ENTREP2: variants seen among roughly 807,000 people sequenced by gnomAD.
ENTREP2 encodes endosomal transmembrane epsin interactor 2, also known as protein ENTREP2.
chr15:29,564,133 G>A, the ENTREP2 span, among the ~76,000 whole-genome samples: 3 of 152,126 alleles, frequency 2.0e-5, no homozygotes, highest in Non-Finnish European at 4.4e-5. Flanking sequence ...TAAAGGGATG[G>A]ACTAGGATAC....
At chr15:29,251,727 A>G in the ENTREP2 span, among the ~76,000 whole-genome samples, 20 of 141,140 alleles carry the variant, frequency 1.4e-4, no homozygotes, top group Admixed American at 1.3e-3. Flanking sequence ...TTAAAACATT[A>G]TGAGTTTTTT....
chr15:29,184,200 G>A, the ENTREP2 span, among the ~76,000 whole-genome samples: 893 of 152,276 alleles, frequency 5.9e-3, 5 homozygotes, highest in Middle Eastern at 0.037. Context: ...GGCCAGGCTC[G>A]TCTGAAACTC....
the ENTREP2 span, among the ~76,000 whole-genome samples, chr15:29,158,870 G>A: frequency 6.6e-6 from 1 of 151,664 alleles, no homozygotes; most frequent in Non-Finnish European, 1.5e-5. Flanking sequence ...AGAGAAAAAA[G>A]TTTTAGATAC....
At chr15:29,439,289 ACACACAC>A in the ENTREP2 span, among the ~76,000 whole-genome samples, 29,278 of 98,598 alleles carry the variant, frequency 0.3, 3,224 homozygotes, top group South Asian at 0.47. Context: ...GGAATTACAC[ACACACAC>A]ACACACACAC....
the ENTREP2 span, among the ~76,000 whole-genome samples, chr15:29,232,705 C>T: frequency 5.3e-5 from 8 of 151,966 alleles, no homozygotes; most frequent in African/African-American, 9.7e-5. Flanking sequence ...GACAGGGTCT[C>T]GCTATATTGA....
At chr15:29,483,379 T>C in the ENTREP2 span, among the ~76,000 whole-genome samples, 9 of 152,356 alleles carry the variant, frequency 5.9e-5, no homozygotes, top group Admixed American at 4.6e-4. Context: ...ATTGTCCCTC[T>C]GGTGTTGTAT....
the ENTREP2 span, among the ~76,000 whole-genome samples, chr15:29,495,588 A>G: frequency 6.6e-6 from 1 of 152,008 alleles, no homozygotes; most frequent in African/African-American, 2.4e-5. Flanking sequence ...TAACTCTCCA[A>G]TTTTGTTTCC....
chr15:29,210,852 G>A, the ENTREP2 span, among the ~76,000 whole-genome samples: 3 of 152,226 alleles, frequency 2.0e-5, no homozygotes, highest in South Asian at 4.1e-4. Flanking sequence ...CAAATCCCAG[G>A]TACCTTTTAA....
the ENTREP2 span, among the ~76,000 whole-genome samples, chr15:29,134,506 C>T: frequency 1.3e-5 from 2 of 152,166 alleles, no homozygotes; most frequent in African/African-American, 2.4e-5. Flanking sequence ...TGATCTGGCC[C>T]ACCACAAGCC....
chr15:29,492,077 T>TC, the ENTREP2 span, among the ~76,000 whole-genome samples: 1 of 147,870 alleles, frequency 6.8e-6, no homozygotes, highest in African/African-American at 2.5e-5. Context: ...TTTTTTTTTT[T>TC]CTAGCTTGTG....
chr15:29,234,832 G>T, the ENTREP2 span: 1 of 1,415,010 alleles, frequency 7.1e-7, no homozygotes, highest in East Asian at 2.3e-5. Context: ...TGCAAGGTAA[G>T]AACTTTGCAT....
chr15:29,169,881 G>T, the ENTREP2 span, among the ~76,000 whole-genome samples: 1 of 152,296 alleles, frequency 6.6e-6, no homozygotes, highest in African/African-American at 2.4e-5. Flanking sequence ...ACAGGCAAAA[G>T]AAGTAAAGTG....
At chr15:29,650,889 A>C in the ENTREP2 span, among the ~76,000 whole-genome samples, 26 of 152,188 alleles carry the variant, frequency 1.7e-4, no homozygotes, top group African/African-American at 6.3e-4. Context: ...GATGATATGC[A>C]CCTGTAGTCC....
chr15:29,638,489 G>T, the ENTREP2 span, among the ~76,000 whole-genome samples: 1 of 152,210 alleles, frequency 6.6e-6, no homozygotes, highest in East Asian at 1.9e-4. Context: ...CAAGGTTTAA[G>T]AACATAATGA....
At chr15:29,311,522 T>C in the ENTREP2 span, among the ~76,000 whole-genome samples, 1 of 152,184 alleles carries the variant, frequency 6.6e-6, no homozygotes, top group African/African-American at 2.4e-5. Context: ...AAACCCTGTC[T>C]CTACTAAAAA....
the ENTREP2 span, among the ~76,000 whole-genome samples, chr15:29,428,490 C>T: frequency 6.6e-6 from 1 of 152,040 alleles, no homozygotes; most frequent in African/African-American, 2.4e-5. Flanking sequence ...GCTGGGATTA[C>T]AGGTGTGAGC....
chr15:29,179,747 AT>A, the ENTREP2 span, among the ~76,000 whole-genome samples: 67,117 of 148,926 alleles, frequency 0.45, 16,317 homozygotes, highest in African/African-American at 0.65. Context: ...CGCCCGGCTA[AT>A]TTTTTTTTTT....
the ENTREP2 span, among the ~76,000 whole-genome samples, chr15:29,282,633 T>A: frequency 2.6e-5 from 4 of 152,256 alleles, no homozygotes; most frequent in South Asian, 8.3e-4. Flanking sequence ...ATGAATTCAA[T>A]ATTTTAGATG....
At chr15:29,138,617 G>A in the ENTREP2 span, among the ~76,000 whole-genome samples, 1 of 138,746 alleles carries the variant, frequency 7.2e-6, no homozygotes, top group South Asian at 2.3e-4. Context: ...GTGTTTGTAT[G>A]TATGTGTATG....
Sources: gnomAD v4.1 joint callset for allele counts (sites outside exome capture counted in the v4.1 genomes callset) on GRCh38, gnomAD v4.1.1 for gene constraint, MANE v1.5 for transcripts, NCBI Gene and HGNC (gene_info 2026-07-23, HGNC 2026-07-21) for gene names.